Variants in EYS observed in about 807,000 individuals in gnomAD.
The protein encoded by EYS is EGF-like photoreceptor maintenance factor, also known as protein eyes shut homolog.
A neutral mutation model predicts 282.1 loss-of-function variants in EYS; 250 were observed. That is an observed-to-expected ratio of 0.89 (90% confidence interval 0.80 to 0.98). The LOEUF is 0.98. Among genes scored for constraint, EYS ranks in the 50% least tolerant of loss-of-function variants. EYS has a pLI of 0.00. For missense variants in EYS, 4,016 were observed against 3,709.0 expected (o/e 1.08, Z -2.15); for synonymous variants, 1,355 against 1,282.9 (o/e 1.06, Z -1.20).
intron 22 of EYS, among the ~76,000 whole-genome samples, chr6:64,703,279 T>C (rs576852590): frequency 1.3e-5 from 2 of 150,966 alleles, no homozygotes; most frequent in Non-Finnish European, 3.0e-5. Flanking sequence ...ATCCTTGTTG[T>C]ATTGAAATAT....
chr6:63,815,378 A>G (rs766376791), intron 36 of EYS, among the ~76,000 whole-genome samples: 10 of 152,314 alleles, frequency 6.6e-5, no homozygotes, highest in South Asian at 4.1e-4. Context: ...CCTGTGCTCT[A>G]TGTTACCTAC....
At chr6:64,166,733 A>G (rs987464651) in intron 31 of EYS, among the ~76,000 whole-genome samples, 9 of 152,220 alleles carry the variant, frequency 5.9e-5, no homozygotes, top group Admixed American at 3.3e-4. Context: ...CTTTCATTCA[A>G]CTTCGGAGTG....
At chr6:64,433,925 A>T (rs963304036) in intron 28 of EYS, among the ~76,000 whole-genome samples, 1 of 152,024 alleles carries the variant, frequency 6.6e-6, no homozygotes, top group Admixed American at 6.6e-5. Flanking sequence ...TCCAGCTTCT[A>T]TGAGTCTCAG....
chr6:65,181,721 G>T (rs940484126), intron 12 of EYS, among the ~76,000 whole-genome samples: 3 of 152,034 alleles, frequency 2.0e-5, no homozygotes, highest in Admixed American at 6.6e-5. Context: ...TATACCCAAA[G>T]GAATATAAAT....
chr6:65,204,331 T>C (rs1268525490), intron 12 of EYS, among the ~76,000 whole-genome samples: 1 of 150,658 alleles, frequency 6.6e-6, no homozygotes, highest in Non-Finnish European at 1.5e-5. Flanking sequence ...ATCATCTGAA[T>C]GAAGAAAATG....
At chr6:64,396,361 G>C (rs190397879) in intron 28 of EYS, among the ~76,000 whole-genome samples, 1 of 152,080 alleles carries the variant, frequency 6.6e-6, no homozygotes, top group Non-Finnish European at 1.5e-5. Flanking sequence ...CAGTATATGT[G>C]CTCTACTGAT....
rs548884730 is a variant in EYS, at chr6:65,373,800, C to T, written c.1299+10586G>A. ...AATATTATAATGAACATTTTATATG[C>T]ATGTTTTATATAATCTTTTAAATTT... On this transcript the variant is annotated intron_variant, in intron 8 of 42. Coordinates refer to ENST00000503581, the MANE Select transcript of EYS (RefSeq NM_001142800.2). Among the ~76,000 whole-genome samples the T allele has an allele frequency of 8.6e-5, 13 of 151,778 alleles. No individual in the cohort carries two copies. In the South Asian group the frequency reaches 1.7e-3, roughly 19 times the overall value.
chr6:65,082,150 T>C (rs1394949552), intron 12 of EYS, among the ~76,000 whole-genome samples: 4 of 152,058 alleles, frequency 2.6e-5, no homozygotes. Context: ...AAATTATCCA[T>C]ATAAATGTCA....
At chr6:64,530,569 A>G (rs1304490341) in intron 26 of EYS, among the ~76,000 whole-genome samples, 3 of 152,088 alleles carry the variant, frequency 2.0e-5, no homozygotes, top group South Asian at 2.1e-4. Context: ...ATAACATGAT[A>G]TTACTGTGAG....
At chr6:65,460,096 C>T (rs1448726720) in intron 5 of EYS, among the ~76,000 whole-genome samples, 1 of 145,816 alleles carries the variant, frequency 6.9e-6, no homozygotes, top group Admixed American at 6.9e-5. Flanking sequence ...CACACACACA[C>T]ACATACATAT....
At chr6:64,344,597 G>C (rs1043364762) in intron 29 of EYS, among the ~76,000 whole-genome samples, 7 of 152,210 alleles carry the variant, frequency 4.6e-5, no homozygotes, top group African/African-American at 1.7e-4. Flanking sequence ...ATATCATACT[G>C]AATGGACAAA....
chr6:64,533,785 A>G (rs1764429661), intron 26 of EYS, among the ~76,000 whole-genome samples: 1 of 152,004 alleles, frequency 6.6e-6, no homozygotes, highest in Admixed American at 6.5e-5. Context: ...ATTAAACATA[A>G]AGGACATTTT....
chr6:63,937,340 CTTTTCTTTTTT>C lies in EYS; in HGVS notation c.7055+47032_7055+47042del, dbSNP rs1765089521. 3.9e-4 allele frequency among the ~76,000 whole-genome samples: 18 copies of C among 46,080 alleles called. 1 individual carries two copies. The highest frequency in any genetic ancestry group is 1.5e-3 in the South Asian group (2 of 1,374). The allele number at this position is 46,080 out of a possible 152,430, so 30.2% of individuals were successfully genotyped here. On this transcript the variant is annotated intron_variant, in intron 35 of 42. Coordinates refer to ENST00000503581, the MANE Select transcript of EYS (RefSeq NM_001142800.2). ...AGATCCAAATTTTCTAGGCTTCTCT[CTTTTCTTTTTT>C]TTTTTTTTTTTTTTTTTTTTTTTTT...
At chr6:65,125,676 A>G (rs1416441608) in intron 12 of EYS, among the ~76,000 whole-genome samples, 1 of 152,030 alleles carries the variant, frequency 6.6e-6, no homozygotes, top group Non-Finnish European at 1.5e-5. Flanking sequence ...CTACTCCCTC[A>G]CATCTATAAA....
chr6:63,807,400 G>T (rs1047122094), intron 36 of EYS, among the ~76,000 whole-genome samples: 2 of 152,178 alleles, frequency 1.3e-5, no homozygotes, highest in African/African-American at 2.4e-5. Context: ...ACTCTGGTAT[G>T]TAACACTTAA....
chr6:63,756,759 C>T (rs1179438264), intron 41 of EYS, among the ~76,000 whole-genome samples: 2 of 152,080 alleles, frequency 1.3e-5, no homozygotes, highest in African/African-American at 4.8e-5. Flanking sequence ...TATCAGTTCC[C>T]CAAATTAATA....
chr6:64,582,169 A>G (rs994365810), intron 26 of EYS, among the ~76,000 whole-genome samples: 16 of 152,128 alleles, frequency 1.1e-4, no homozygotes, highest in African/African-American at 3.6e-4. Flanking sequence ...GATAATATGT[A>G]AACCAGTGGT....
chr6:64,873,478 G>T (rs988112983), intron 19 of EYS, among the ~76,000 whole-genome samples: 1 of 152,028 alleles, frequency 6.6e-6, no homozygotes, highest in African/African-American at 2.4e-5. Flanking sequence ...GAAATCCAAA[G>T]AGTTGATCCC....
At chr6:64,445,852 G>A (rs1775101311) in intron 26 of EYS, among the ~76,000 whole-genome samples, 2 of 151,984 alleles carry the variant, frequency 1.3e-5, no homozygotes, top group Non-Finnish European at 2.9e-5. Context: ...AGATGAGGAC[G>A]GGCTCAGCTC....
Sources: allele counts gnomAD v4.1 joint callset (sites outside exome capture counted in the v4.1 genomes callset), GRCh38; gene constraint gnomAD v4.1.1; transcripts MANE v1.5; gene names NCBI Gene and HGNC (gene_info 2026-07-23, HGNC 2026-07-21).